Variants in MMP26 observed in about 807,000 individuals in gnomAD.
MMP26 encodes matrix metalloproteinase-26.
In MMP26, 33 loss-of-function variants were observed where a neutral mutation model predicts 31.0. That is an observed-to-expected ratio of 1.06 (90% CI 0.81 to 1.42). The LOEUF is 1.42. Ranked by LOEUF, MMP26 falls within the 40% of genes most tolerant of loss-of-function variation. The pLI is 0.00. For synonymous variants in MMP26, 122 were observed against 114.9 expected (o/e 1.06, Z -0.40); for missense variants, 347 against 316.1 (o/e 1.10, Z -0.74).
chr11:4,803,768 C>G (rs750955384), intron 2 of MMP26: 1 of 1,613,484 alleles, frequency 6.2e-7, no homozygotes, highest in East Asian at 2.2e-5. Flanking sequence ...GAGAAGGCCA[C>G]AAAGAGCCCA....
chr11:4,982,488 G>A (rs1227599796), intron 2 of MMP26, among the ~76,000 whole-genome samples: 1 of 152,082 alleles, frequency 6.6e-6, no homozygotes, highest in Non-Finnish European at 1.5e-5. Flanking sequence ...GCAGGCTCTG[G>A]CAATTGTAAA....
chr11:4,727,822 A>G (rs976651188), intron 1 of MMP26, among the ~76,000 whole-genome samples: 1 of 152,196 alleles, frequency 6.6e-6, no homozygotes, highest in African/African-American at 2.4e-5. Flanking sequence ...ACAAAAAACA[A>G]AAAACAAACA....
rs543119564 is a variant in MMP26, at chr11:4,798,347, A to C, written c.-145+31006A>C. On this transcript the variant is annotated intron_variant, in intron 2 of 7. Coordinates refer to ENST00000380390, the MANE Select transcript of MMP26 (RefSeq NM_021801.5). ...CCAAGACTAAACTTCAAAATTTTTC[A>C]TGTCAAGGTGGGACTACAGGACCTC... Among the ~76,000 whole-genome samples, 12 of 152,310 alleles carry C rather than the reference A, an allele frequency of 7.9e-5. No individual in the cohort carries two copies. The South Asian group carries it at 1.0e-3, about 13-fold the overall frequency.
intron 2 of MMP26, chr11:4,860,592 A>G (rs1202135642): frequency 2.3e-6 from 1 of 426,366 alleles, no homozygotes; most frequent in East Asian, 7.1e-5. Context: ...GTGGGGCTGG[A>G]CTCCTCCACT....
intron 2 of MMP26, among the ~76,000 whole-genome samples, chr11:4,798,446 T>C (rs981995297): frequency 3.3e-5 from 5 of 152,236 alleles, no homozygotes; most frequent in Non-Finnish European, 7.3e-5. Flanking sequence ...ATGGCATAAA[T>C]ACACACAATA....
At chr11:4,717,178 T>G (rs1847945669) in intron 1 of MMP26, among the ~76,000 whole-genome samples, 1 of 152,368 alleles carries the variant, frequency 6.6e-6, no homozygotes. Flanking sequence ...CTCTGTATTT[T>G]AAATACAGTC....
intron 2 of MMP26, among the ~76,000 whole-genome samples, chr11:4,784,269 A>G (rs2133435914): frequency 6.6e-6 from 1 of 152,312 alleles, no homozygotes; most frequent in Admixed American, 6.5e-5. Flanking sequence ...TCTTCACATC[A>G]TGGTGGCTGG....
chr11:4,832,032 C>T (rs1345648445), intron 2 of MMP26: 1 of 152,182 alleles, frequency 6.6e-6, no homozygotes. Context: ...ATTTAACCAA[C>T]AACTGAACTT....
rs748605453 is a variant in MMP26, at chr11:4,907,356, A to G, written c.-144-80712A>G. On this transcript the variant is annotated intron_variant, in intron 2 of 7. Coordinates refer to ENST00000380390, the MANE Select transcript of MMP26 (RefSeq NM_021801.5). ...GGTTTCAGATCCGGCTAACGAGCTC[A>G]TATCTCCCTCATTATGTCTGTTCTC... is the stretch of plus-strand genomic sequence containing the variant. 47 of 1,550,268 alleles carry G rather than the reference A, an allele frequency of 3.0e-5. No homozygotes were observed. The Admixed American group carries it at 3.7e-4, about 12-fold the overall frequency.
chr11:4,923,966 T>G (rs1378739), intron 2 of MMP26: 957,547 of 1,613,804 alleles, frequency 0.59, 285,749 homozygotes, highest in African/African-American at 0.71. Flanking sequence ...GACGGCCACG[T>G]AGCGGTCAAT....
Position 4,843,314 on chromosome 11 carries a change from C to A in MMP26, c.-145+75973C>A, listed in dbSNP as rs758247325. 1.9e-4 allele frequency among the ~76,000 whole-genome samples: 29 copies of A among 152,348 alleles called. No homozygotes were observed. The Middle Eastern group carries it at 0.014, about 71-fold the overall frequency. ...TCACTCCACTGCCTTAGTAGAAGTT[C>A]TCCATGAGAGCACCACCCCTGCAGC... On this transcript the variant is annotated intron_variant, in intron 2 of 7. Coordinates refer to ENST00000380390, the MANE Select transcript of MMP26 (RefSeq NM_021801.5).
chr11:4,726,312 A>C (rs560531036), intron 1 of MMP26, among the ~76,000 whole-genome samples: 99 of 152,156 alleles, frequency 6.5e-4, no homozygotes, highest in Admixed American at 6.5e-3. Flanking sequence ...AAAAATACAA[A>C]ATTAGCCAGG....
intron 2 of MMP26, among the ~76,000 whole-genome samples, chr11:4,823,172 G>C (rs1293936446): frequency 1.9e-4 from 28 of 151,208 alleles, no homozygotes; most frequent in Non-Finnish European, 1.5e-5. Context: ...ATACTTTATA[G>C]CTGGTTGTTG....
chr11:4,953,278 T>G (rs1385952719), intron 2 of MMP26, among the ~76,000 whole-genome samples: 1 of 125,366 alleles, frequency 8.0e-6, no homozygotes, highest in Non-Finnish European at 1.8e-5. Flanking sequence ...ATTTTTAAAA[T>G]CATTCATTAG....
At chr11:4,943,741 A>C in intron 2 of MMP26, 1 of 361,954 alleles carries the variant, frequency 2.8e-6, no homozygotes, top group Non-Finnish European at 5.5e-6. Flanking sequence ...ATCCTCCAAA[A>C]ACTACATTCT....
At chr11:4,802,724 G>C (rs1849200133) in intron 2 of MMP26, among the ~76,000 whole-genome samples, 1 of 152,078 alleles carries the variant, frequency 6.6e-6, no homozygotes, top group Non-Finnish European at 1.5e-5. Context: ...TTTATCATTT[G>C]GATATATTTC....
At chr11:4,750,756 T>C (rs1848437630) in intron 1 of MMP26, among the ~76,000 whole-genome samples, 1 of 151,646 alleles carries the variant, frequency 6.6e-6, no homozygotes, top group Non-Finnish European at 1.5e-5. Context: ...ATAATAGACA[T>C]TGGTAACTGG....
chr11:4,819,215 G>A (rs572663852), intron 2 of MMP26, among the ~76,000 whole-genome samples: 82 of 152,244 alleles, frequency 5.4e-4, no homozygotes, highest in African/African-American at 1.9e-3. Context: ...TTTATCTTCA[G>A]ACATGGAACC....
At chr11:4,878,561 C>T (rs991762747) in intron 2 of MMP26, among the ~76,000 whole-genome samples, 2 of 152,086 alleles carry the variant, frequency 1.3e-5, no homozygotes, top group Non-Finnish European at 2.9e-5. Context: ...CTGACTTGTG[C>T]TTAATATATA....
Sources: allele counts gnomAD v4.1 joint callset (sites outside exome capture counted in the v4.1 genomes callset), GRCh38; gene constraint gnomAD v4.1.1; transcripts MANE v1.5; gene names NCBI Gene and HGNC (gene_info 2026-07-23, HGNC 2026-07-21).